Variants in GLIS3 observed in about 807,000 individuals in gnomAD.
GLIS3 encodes the protein GLIS family zinc finger 3, also known as zinc finger protein GLIS3.
GLIS3 carries 53 observed loss-of-function variants against 78.6 expected under a neutral mutation model. That is an observed-to-expected ratio of 0.67 (90% CI 0.54 to 0.85). GLIS3 has a LOEUF of 0.85. Ranked by LOEUF, GLIS3 falls within the 40% of genes least tolerant of loss-of-function variation. The probability of loss-of-function intolerance (pLI) is 0.00; values close to 1 mark genes in which losing one functional copy is unlikely to be tolerated. For synonymous variants in GLIS3, 684 were observed against 509.9 expected (o/e 1.34, Z -4.60); for missense variants, 1,703 against 1,231.1 (o/e 1.38, Z -5.74).
intron 2 of GLIS3, among the ~76,000 whole-genome samples, chr9:4,173,874 C>T (rs1458952367): frequency 2.0e-5 from 3 of 151,088 alleles, no homozygotes; most frequent in African/African-American, 7.3e-5. Context: ...GGGCCTTTAG[C>T]TAAAGAAGAC....
In GLIS3 at chr9:3,826,128, G is replaced by C. The variant is rs1295151750; in HGVS notation, c.*2144C>G. On this transcript the variant is annotated 3_prime_UTR_variant, in exon 11 of 11. Transcript: ENST00000381971. The stretch of plus-strand genomic sequence containing the variant: ...ATTTTAAATTACATAAAGCCAAAAG[G>C]CAGGGCTGACAATGTCAACTGCAAT... 1 of 152,164 alleles carries C rather than the reference G, an allele frequency of 6.6e-6. No individual in the cohort carries two copies. Among genetic ancestry groups the C allele is most frequent in the Non-Finnish European group, 1.5e-5 (1 of 68,036 alleles). 9.4% of individuals were successfully genotyped at this position (152,164 alleles called of 1,614,324 possible). A position where few individuals can be genotyped will look rare whatever the true frequency, so the allele number is the denominator to read the frequency against.
At chr9:4,371,412 G>A in the GLIS3 span, among the ~76,000 whole-genome samples, 1 of 152,220 alleles carries the variant, frequency 6.6e-6, no homozygotes, top group Admixed American at 6.5e-5. Context: ...CTCCCCATAA[G>A]TGCTAAGCCT....
intron 4 of GLIS3, among the ~76,000 whole-genome samples, chr9:4,093,706 G>A (rs763747497): frequency 1.2e-4 from 19 of 152,140 alleles, no homozygotes; most frequent in Admixed American, 3.3e-4. Flanking sequence ...CTAACCCACT[G>A]GCTGAGTTTG....
At chr9:4,168,074 A>G (rs1029279133) in intron 2 of GLIS3, among the ~76,000 whole-genome samples, 1 of 152,134 alleles carries the variant, frequency 6.6e-6, no homozygotes, top group Non-Finnish European at 1.5e-5. Context: ...GTTAAATGCA[A>G]TCATTTCCTT....
At chr9:4,206,369 C>T (rs185093677) in intron 2 of GLIS3, among the ~76,000 whole-genome samples, 20 of 152,294 alleles carry the variant, frequency 1.3e-4, no homozygotes, top group East Asian at 3.9e-4. Context: ...CACCAAATTG[C>T]AGTATATGAA....
At chr9:3,914,683 G>A (rs62521452) in intron 6 of GLIS3, among the ~76,000 whole-genome samples, 6,929 of 152,236 alleles carry the variant, frequency 0.046, 241 homozygotes, top group Non-Finnish European at 0.07. Context: ...TCAATGTCAA[G>A]TGTAAATTTG....
At chr9:4,198,922 GAAA>G (rs1563741979) in intron 2 of GLIS3, among the ~76,000 whole-genome samples, 2 of 152,160 alleles carry the variant, frequency 1.3e-5, no homozygotes, top group African/African-American at 2.4e-5. Flanking sequence ...CATTCTTAAA[GAAA>G]AGAAATTCCA....
chr9:4,459,910 A>C, the GLIS3 span, among the ~76,000 whole-genome samples: 1 of 152,242 alleles, frequency 6.6e-6, no homozygotes, highest in Non-Finnish European at 1.5e-5. Context: ...AAGCCTGGGA[A>C]CTGATCCCTA....
At chr9:4,434,395 G>A in the GLIS3 span, among the ~76,000 whole-genome samples, 2 of 152,202 alleles carry the variant, frequency 1.3e-5, no homozygotes, top group African/African-American at 2.4e-5. Flanking sequence ...AAGAAAAGAA[G>A]CACCTAAAAC....
rs778176935 is a variant in GLIS3, at chr9:4,118,157, C to T, written c.1321G>A (p.Val441Ile). The change falls in exon 4 of 11, where the codon GTA becomes ATA. Residue 441 changes from valine to isoleucine, a missense_variant. Coordinates refer to ENST00000381971, the MANE Select transcript of GLIS3 (RefSeq NM_001042413.2). This position sits in a 1 kb window ranked among gnomAD's most constrained non-coding sequence, Gnocchi z 4.7. ...ERLEEFPGST[V>I]DLPPAPPLPP... ...AGCGGAGGCGCGGGGGGTAGGTCTA[C>T]GGTGCTGCCCGGGAACTCCTCCAGG... 8 of 1,561,008 alleles carry T rather than the reference C, an allele frequency of 5.1e-6. No individual in the cohort carries two copies. The highest frequency in any genetic ancestry group is 5.2e-6 in the Non-Finnish European group (6 of 1,153,274).
the GLIS3 span, among the ~76,000 whole-genome samples, chr9:4,375,648 A>T: frequency 6.6e-6 from 1 of 152,230 alleles, no homozygotes; most frequent in Non-Finnish European, 1.5e-5. Flanking sequence ...TCCTTATGGA[A>T]TGTTTGCTTC....
intron 4 of GLIS3, among the ~76,000 whole-genome samples, chr9:4,105,889 A>T (rs568496322): frequency 6.6e-6 from 1 of 152,140 alleles, no homozygotes; most frequent in Non-Finnish European, 1.5e-5. Flanking sequence ...AAGCTGTAAG[A>T]AGTTAGAGTC....
chr9:3,946,662 T>C (rs1373176982), intron 4 of GLIS3, among the ~76,000 whole-genome samples: 1 of 152,230 alleles, frequency 6.6e-6, no homozygotes, highest in East Asian at 1.9e-4. Flanking sequence ...GAGAAATTTG[T>C]AGCAACAACT....
intron 2 of GLIS3, among the ~76,000 whole-genome samples, chr9:4,163,256 ACACACACACACACGCG>A (rs761577746): frequency 1.2e-4 from 19 of 152,150 alleles, no homozygotes; most frequent in Non-Finnish European, 2.6e-4. Context: ...ACACACACAC[ACACACACACACACGCG>A]CACGCGCGCA....
chr9:4,141,290 C>T (rs1035699161), intron 2 of GLIS3, among the ~76,000 whole-genome samples: 9 of 152,170 alleles, frequency 5.9e-5, no homozygotes, highest in African/African-American at 2.2e-4. Flanking sequence ...AGCAAGACAG[C>T]TCCCAAGGAA....
chr9:4,017,923 T>C (rs1326004281), intron 4 of GLIS3, among the ~76,000 whole-genome samples: 4 of 152,198 alleles, frequency 2.6e-5, no homozygotes, highest in Non-Finnish European at 5.9e-5. Flanking sequence ...ACCACGCTGA[T>C]TGAAACTAAT....
At chr9:3,971,455 A>G (rs1000829141) in intron 4 of GLIS3, among the ~76,000 whole-genome samples, 5 of 152,182 alleles carry the variant, frequency 3.3e-5, no homozygotes, top group African/African-American at 1.2e-4. Context: ...TTCAGAAATG[A>G]GAAAATTCTA....
intron 4 of GLIS3, among the ~76,000 whole-genome samples, chr9:4,308,279 G>A (rs955181168): frequency 1.3e-5 from 2 of 152,132 alleles, no homozygotes; most frequent in African/African-American, 4.8e-5. Context: ...GGAGAAAGAA[G>A]AAATAAGAGG....
At chr9:4,152,957 T>A (rs1394635489) in intron 2 of GLIS3, among the ~76,000 whole-genome samples, 2 of 152,226 alleles carry the variant, frequency 1.3e-5, no homozygotes, top group Non-Finnish European at 2.9e-5. Flanking sequence ...ATGCAGTGCT[T>A]CTTAGCCTCT....
Sources: allele counts gnomAD v4.1 joint callset (sites outside exome capture counted in the v4.1 genomes callset), GRCh38; gene constraint gnomAD v4.1.1; non-coding constraint Gnocchi (gnomAD v3.1); transcripts MANE v1.5; gene names NCBI Gene and HGNC (gene_info 2026-07-23, HGNC 2026-07-21).